The following TBXAS1 variants were observed in gnomAD, a reference collection of about 807,000 sequenced individuals.
TBXAS1 encodes the protein thromboxane A synthase 1.
A neutral mutation model predicts 60.7 loss-of-function variants in TBXAS1; 48 were observed. The observed-to-expected ratio is 0.79, with a 90% CI of 0.63 to 1.01. TBXAS1 has a LOEUF of 1.01. Among genes scored for constraint, TBXAS1 ranks in the 50% least tolerant of loss-of-function variants. TBXAS1 has a pLI of 0.00. For missense variants in TBXAS1, 685 were observed against 686.3 expected, an observed-to-expected ratio of 1.00 and a Z score of 0.02; for synonymous variants, 287 against 269.7, an observed-to-expected ratio of 1.06 and a Z score of -0.63.
At chr7:139,888,893 A>G (rs747440816) in intron 3 of TBXAS1, among the ~76,000 whole-genome samples, 1 of 151,532 alleles carries the variant, frequency 6.6e-6, no homozygotes, top group Non-Finnish European at 1.5e-5. Flanking sequence ...GTGCAGGTAT[A>G]GAGTGGAGAA....
chr7:139,901,276 A>G (rs1328684990), intron 3 of TBXAS1, among the ~76,000 whole-genome samples: 1 of 151,564 alleles, frequency 6.6e-6, no homozygotes, highest in Non-Finnish European at 1.5e-5. Flanking sequence ...CTCTGAAGCA[A>G]TTCTAAAGGA....
At chr7:139,808,524 T>C (rs910873715) in intron 4 of TBXAS1, among the ~76,000 whole-genome samples, 9 of 152,192 alleles carry the variant, frequency 5.9e-5, no homozygotes, top group African/African-American at 2.2e-4. Context: ...AATGACCACA[T>C]GTAACAGCTT....
intron 4 of TBXAS1, among the ~76,000 whole-genome samples, chr7:139,814,008 G>A (rs186276545): frequency 1.5e-4 from 23 of 152,298 alleles, no homozygotes; most frequent in Middle Eastern, 3.4e-3. Flanking sequence ...GACCGTTTGT[G>A]TGGCATTGAT....
At chr7:139,876,422 A>G (rs1214837103) in intron 3 of TBXAS1, among the ~76,000 whole-genome samples, 1 of 152,132 alleles carries the variant, frequency 6.6e-6, no homozygotes, top group Non-Finnish European at 1.5e-5. Flanking sequence ...GTTGGTTTTC[A>G]CGCAGCTTCT....
chr7:139,799,842 A>G (rs984198967), intron 4 of TBXAS1, among the ~76,000 whole-genome samples: 1 of 152,306 alleles, frequency 6.6e-6, no homozygotes, highest in East Asian at 1.9e-4. Flanking sequence ...CTCAGAGTGT[A>G]TGAGGTCTCC....
At chr7:140,011,733 G>A (rs1392218550) in intron 10 of TBXAS1, among the ~76,000 whole-genome samples, 1 of 152,128 alleles carries the variant, frequency 6.6e-6, no homozygotes, top group East Asian at 1.9e-4. Flanking sequence ...TGGGGGAAGA[G>A]GAAAAAGTTC....
chr7:139,960,074 G>A (rs530926177), intron 8 of TBXAS1, among the ~76,000 whole-genome samples: 1 of 152,140 alleles, frequency 6.6e-6, no homozygotes, highest in Non-Finnish European at 1.5e-5. Flanking sequence ...AACTACCCCC[G>A]ACCCTCACCA....
intron 3 of TBXAS1, among the ~76,000 whole-genome samples, chr7:139,893,760 A>G (rs1803849887): frequency 6.6e-6 from 1 of 152,166 alleles, no homozygotes; most frequent in Non-Finnish European, 1.5e-5. Context: ...ATATATACCC[A>G]TGCTCACACT....
intron 8 of TBXAS1, among the ~76,000 whole-genome samples, chr7:139,960,795 C>A (rs144018655): frequency 5.3e-5 from 8 of 151,666 alleles, no homozygotes; most frequent in African/African-American, 1.9e-4. Flanking sequence ...TTAATGCAAT[C>A]GAAATTCAGA....
chr7:139,931,388 T>C (rs1807318714), intron 4 of TBXAS1, among the ~76,000 whole-genome samples: 1 of 152,208 alleles, frequency 6.6e-6, no homozygotes, highest in South Asian at 2.1e-4. Context: ...GTCCCCTTCC[T>C]GCATGACATA....
chr7:140,002,694 G>A (rs138184573), intron 9 of TBXAS1, among the ~76,000 whole-genome samples: 158 of 152,248 alleles, frequency 1.0e-3, no homozygotes, highest in African/African-American at 3.5e-3. Context: ...ACAGACAGTC[G>A]GAAAGACCTA....
intron 5 of TBXAS1, among the ~76,000 whole-genome samples, chr7:139,941,873 A>C (rs2117233611): frequency 6.6e-6 from 1 of 152,358 alleles, no homozygotes; most frequent in Admixed American, 6.5e-5. Context: ...TCTCTGACGG[A>C]AAATGTATAA....
intron 5 of TBXAS1, among the ~76,000 whole-genome samples, chr7:139,950,464 G>A (rs1809116775): frequency 6.6e-6 from 1 of 152,152 alleles, no homozygotes; most frequent in Admixed American, 6.5e-5. Context: ...CCCTCCATGA[G>A]CCTTGGCAAC....
chr7:139,989,128 G>A lies in TBXAS1; in HGVS notation c.1135-17963G>A, dbSNP rs1015150436. 3.3e-5 allele frequency among the ~76,000 whole-genome samples: 5 copies of A among 152,204 alleles called. No individual in the cohort carries two copies. The South Asian group carries it at 1.0e-3, about 31-fold the overall frequency. ...TGCCCATAGCAGAAATCAACAACAC[G>A]TGGGCACTGAGCTCTTTTCCAGAAA... On this transcript the variant is annotated intron_variant, in intron 9 of 12. Coordinates refer to ENST00000448866, the MANE Select transcript of TBXAS1 (RefSeq NM_001061.7).
In TBXAS1 at chr7:139,999,290, C is replaced by T. The variant is rs779819219; in HGVS notation, c.1135-7801C>T. ...CTATAATCCCAGCACTTTGGGAGGCCGAGGTGGGTGAATCACCTGAGGTCA... is the reference window on the plus strand; with the variant it reads ...CTATAATCCCAGCACTTTGGGAGGCTGAGGTGGGTGAATCACCTGAGGTCA... On this transcript the variant is annotated intron_variant, in intron 9 of 12. Transcript: ENST00000448866. The surrounding 1 kb of genome is among the most constrained non-coding windows in gnomAD (Gnocchi z 4.3). Among the ~76,000 whole-genome samples the T allele has an allele frequency of 3.9e-5, 6 of 152,174 alleles. No individual in the cohort carries two copies. Among genetic ancestry groups the T allele is most frequent in the African/African-American group, 7.2e-5 (3 of 41,432 alleles).
chr7:139,974,905 G>T (rs1361902632), intron 9 of TBXAS1, among the ~76,000 whole-genome samples: 2 of 152,150 alleles, frequency 1.3e-5, no homozygotes, highest in African/African-American at 2.4e-5. Flanking sequence ...TCATCAGTGG[G>T]GAAAGAAAGG....
rs1005349312 is a variant in TBXAS1 at position 139,843,436 on chromosome 7, G to A, written c.89+13957G>A. Among the ~76,000 whole-genome samples, 6 of 151,962 alleles carry A rather than the reference G, an allele frequency of 3.9e-5. No individual in the cohort carries two copies. In the East Asian group the frequency reaches 5.8e-4, roughly 15 times the overall value. On this transcript the variant is annotated intron_variant, in intron 1 of 12. Coordinates refer to ENST00000448866, the MANE Select transcript of TBXAS1 (RefSeq NM_001061.7). The stretch of plus-strand genomic sequence containing the variant: ...CAGCTCACTGCAACCTCCGCCTCCC[G>A]GGTTCAAGTGATTCTCCTGCCTCAG...
intron 4 of TBXAS1, among the ~76,000 whole-genome samples, chr7:139,807,678 C>T (rs1180425778): frequency 6.6e-6 from 1 of 152,092 alleles, no homozygotes; most frequent in Non-Finnish European, 1.5e-5. Context: ...CCACCGCGCT[C>T]AGCCAATTTT....
At chr7:139,956,780 C>T (rs546491383) in intron 7 of TBXAS1, among the ~76,000 whole-genome samples, 2 of 152,382 alleles carry the variant, frequency 1.3e-5, no homozygotes, top group South Asian at 2.1e-4. Context: ...AACCACGGCC[C>T]AGGCCTGTGG....
Sources: allele counts gnomAD v4.1 joint callset (sites outside exome capture counted in the v4.1 genomes callset), GRCh38; gene constraint gnomAD v4.1.1; non-coding constraint Gnocchi (gnomAD v3.1); transcripts MANE v1.5; gene names NCBI Gene and HGNC (gene_info 2026-07-23, HGNC 2026-07-21).